Variants in TAPT1 observed in about 807,000 individuals in gnomAD.
TAPT1 encodes transmembrane anterior posterior transformation 1, also known as transmembrane anterior posterior transformation protein 1 homolog.
TAPT1 carries 28 observed loss-of-function variants against 65.6 expected under a neutral mutation model. That is an observed-to-expected ratio of 0.43 (90% CI 0.32 to 0.59). The LOEUF (loss-of-function observed/expected upper bound fraction) is 0.59. Ranked by LOEUF, TAPT1 falls within the 20% of genes least tolerant of loss-of-function variation. The pLI, the probability that TAPT1 is intolerant of heterozygous loss-of-function variation, is 0.09. For missense variants in TAPT1, 563 were observed against 679.9 expected, an observed-to-expected ratio of 0.83 and a Z score of 1.91; for synonymous variants, 278 against 245.2, an observed-to-expected ratio of 1.13 and a Z score of -1.25.
intron 2 of TAPT1, among the ~76,000 whole-genome samples, chr4:16,206,555 C>T (rs886794538): frequency 6.6e-6 from 1 of 151,496 alleles, no homozygotes; most frequent in Admixed American, 6.6e-5. Context: ...GTCTTAGCTG[C>T]GGCTCTAGGC....
At chr4:16,225,317 A>G (rs996577095) in intron 1 of TAPT1, among the ~76,000 whole-genome samples, 1 of 152,214 alleles carries the variant, frequency 6.6e-6, no homozygotes, top group African/African-American at 2.4e-5. Context: ...AATCAGCCTC[A>G]CAACTTAGTT....
At chr4:16,209,252 C>G (rs28653509) in intron 2 of TAPT1, among the ~76,000 whole-genome samples, 1 of 152,094 alleles carries the variant, frequency 6.6e-6, no homozygotes, top group Non-Finnish European at 1.5e-5. Flanking sequence ...AGGCACACTT[C>G]CCCTTCTCTA....
intron 3 of TAPT1, among the ~76,000 whole-genome samples, chr4:16,200,746 G>A (rs1749980365): frequency 6.6e-6 from 1 of 152,108 alleles, no homozygotes; most frequent in South Asian, 2.1e-4. Context: ...GATTGTATTT[G>A]GGTCTTCTGA....
intron 1 of TAPT1, among the ~76,000 whole-genome samples, chr4:16,224,088 A>T (rs1751413087): frequency 6.6e-6 from 1 of 152,306 alleles, no homozygotes; most frequent in East Asian, 1.9e-4. Context: ...ACAAGAATAT[A>T]AAAAAATCAA....
chr4:16,177,537 C>A (rs1334255298), intron 8 of TAPT1, among the ~76,000 whole-genome samples: 1 of 152,166 alleles, frequency 6.6e-6, no homozygotes, highest in Non-Finnish European at 1.5e-5. Context: ...ATCAAGGGAC[C>A]TCTTTCGCCG....
At chr4:16,212,624 G>GC (rs542006471) in intron 2 of TAPT1, among the ~76,000 whole-genome samples, 4 of 152,004 alleles carry the variant, frequency 2.6e-5, no homozygotes, top group African/African-American at 4.8e-5. Context: ...AGTCCCTCAG[G>GC]CCCCCCCAGG....
At chr4:16,176,043 C>A in intron 9 of TAPT1, 76 bp downstream of exon 9, 3 of 661,578 alleles carry the variant, frequency 4.5e-6, no homozygotes, top group Non-Finnish European at 4.9e-6. Context: ...TAACAAACTC[C>A]TATTATTCTA....
At chr4:16,178,345 A>G (rs1478734475) in intron 8 of TAPT1, among the ~76,000 whole-genome samples, 1 of 152,206 alleles carries the variant, frequency 6.6e-6, no homozygotes, top group Non-Finnish European at 1.5e-5. Flanking sequence ...CTCTCATTTT[A>G]TATGTTTTTG....
At chr4:16,171,580 A>G (rs1395936758) in intron 11 of TAPT1, among the ~76,000 whole-genome samples, 1 of 152,250 alleles carries the variant, frequency 6.6e-6, no homozygotes, top group Admixed American at 6.5e-5. Flanking sequence ...TTAAAAAGAC[A>G]TTTAAAAATG....
At chr4:16,221,835 C>G (rs901722834) in intron 1 of TAPT1, among the ~76,000 whole-genome samples, 1 of 152,178 alleles carries the variant, frequency 6.6e-6, no homozygotes, top group African/African-American at 2.4e-5. Context: ...TGAACAGAGA[C>G]ACACTCTTGT....
rs1457296856 is a variant in TAPT1, at chr4:16,162,984, T to C, written c.*324A>G. On this transcript the variant is annotated 3_prime_UTR_variant, in exon 14 of 14. Coordinates refer to ENST00000405303, the MANE Select transcript of TAPT1 (RefSeq NM_153365.3). ...AGGCCTTGAGGCAAATTCAACATTC[T>C]GGAAGCCCAGACTGACAAAGCAAAA... The C allele has an allele frequency of 4.2e-6, 2 of 480,722 alleles. No homozygotes were observed. The highest frequency in any genetic ancestry group is 8.2e-6 in the Non-Finnish European group (2 of 243,306). 29.8% of individuals were successfully genotyped at this position (480,722 alleles called of 1,614,324 possible).
At position 16,163,167 on chromosome 4, in the gene TAPT1, A is replaced by C. The variant is rs547903637; in HGVS notation, c.*141T>G. ...CTCAGCCAGGCCATATTACTGGAAGAAAGATACTAAGATTTGCTTGCCAAT... is the reference window on the plus strand; with the variant it reads ...CTCAGCCAGGCCATATTACTGGAAGCAAGATACTAAGATTTGCTTGCCAAT... On this transcript the variant is annotated 3_prime_UTR_variant, in exon 14 of 14. Coordinates refer to ENST00000405303, the MANE Select transcript of TAPT1 (RefSeq NM_153365.3). The C allele has an allele frequency of 6.5e-5, 46 of 705,426 alleles. No homozygotes were observed. The African/African-American group carries it at 6.6e-4, about 10-fold the overall frequency. The allele number at this position is 705,426 out of a possible 1,614,324, so 43.7% of individuals were successfully genotyped here.
chr4:16,213,844 T>G lies in TAPT1; in HGVS notation c.254A>C (p.Glu85Ala), dbSNP rs1750778025. 6.2e-7 allele frequency: 1 copy of G among 1,610,782 alleles called. No individual in the cohort carries two copies. The highest frequency in any genetic ancestry group is 8.5e-7 in the Non-Finnish European group (1 of 1,179,114). Residue 85 changes from glutamate to alanine, a missense_variant, in exon 2 of 14, where the codon GAA (glutamate) becomes GCA (alanine). Glu to Ala is a moderately radical substitution (Grantham distance 107). Coordinates refer to ENST00000405303, the MANE Select transcript of TAPT1 (RefSeq NM_153365.3). ...TTCTGTATACTTGGCCTCATTATGT[T>G]CAAGGAAGTACCCTCTTGTTAGTTC... The part of the protein sequence containing the change: ...SAELTRGYFL[E>A]HNEAKYTERR...
chr4:16,191,214 A>G lies in TAPT1; in HGVS notation c.612+147T>C, dbSNP rs548357061. 9.6e-4 allele frequency: 711 copies of G among 743,248 alleles called. 1 individual carries two copies. Among genetic ancestry groups the G allele is most frequent in the Non-Finnish European group, 1.3e-3 (642 of 486,402 alleles). 46.0% of individuals were successfully genotyped at this position (743,248 alleles called of 1,614,324 possible). ...TAAATCAGAATCCATGTTTAAGAAG[A>G]GCCCCCAAGTGATGACAGCACAGTA... On this transcript the variant is annotated intron_variant, in intron 4 of 13. Transcript: ENST00000405303.
intron 1 of TAPT1, among the ~76,000 whole-genome samples, chr4:16,220,132 T>C (rs1560192584): frequency 6.6e-6 from 1 of 152,238 alleles, no homozygotes; most frequent in African/African-American, 2.4e-5. Flanking sequence ...TTGTTAAACA[T>C]TGCTCTCTAG....
chr4:16,174,771 A>AT (rs1748223260), intron 9 of TAPT1, 42 bp from the exon 10 acceptor site: 1 of 1,380,350 alleles, frequency 7.2e-7, no homozygotes, highest in Non-Finnish European at 9.8e-7. Context: ...ATACAGTAAA[A>AT]ATATATAATG....
Position 16,163,291 on chromosome 4 carries a change from C to G in TAPT1, c.*17G>C, listed in dbSNP as rs556531172. On this transcript the variant is annotated 3_prime_UTR_variant, in exon 14 of 14. Transcript: ENST00000405303. Reference sequence around the variant, plus strand: ...TTGCCCCAGGACCCAGCTTCTTCAGCGCATGAAGCCACAGATTCAGTCAAT... The same window carrying G: ...TTGCCCCAGGACCCAGCTTCTTCAGGGCATGAAGCCACAGATTCAGTCAAT... 6.3e-7 allele frequency: 1 copy of G among 1,598,600 alleles called. No individual in the cohort carries two copies. Among genetic ancestry groups the G allele is most frequent in the South Asian group, 1.1e-5 (1 of 90,784 alleles).
chr4:16,161,391 T>C lies in TAPT1; in HGVS notation c.*1917A>G, dbSNP rs1164300536. On this transcript the variant is annotated 3_prime_UTR_variant, in exon 14 of 14. Coordinates refer to ENST00000405303, the MANE Select transcript of TAPT1 (RefSeq NM_153365.3). ...ATTAAAACAGAAGAAATGAACATAA[T>C]CCCGAACTCCCAACAGCATCTGCAA... is the stretch of plus-strand genomic sequence containing the variant. 1.3e-5 allele frequency: 2 copies of C among 152,580 alleles called. No individual in the cohort carries two copies. Among genetic ancestry groups the C allele is most frequent in the East Asian group, 1.9e-4 (1 of 5,194 alleles). 9.5% of individuals were successfully genotyped at this position (152,580 alleles called of 1,614,324 possible).
At position 16,176,040 on chromosome 4, in the gene TAPT1, C is replaced by T. The variant is rs115513888; in HGVS notation, c.1107+79G>A. 2.0e-3 allele frequency: 1,310 copies of T among 639,326 alleles called. 18 individuals carry two copies. In the African/African-American group the frequency reaches 0.023, roughly 11 times the overall value. 39.6% of individuals were successfully genotyped at this position (639,326 alleles called of 1,614,324 possible). The stretch of plus-strand genomic sequence containing the variant: ...ATTCTGACCTTAAAGTATTAACAAA[C>T]TCCTATTATTCTACAACTTTTAAAA... On this transcript the variant is annotated intron_variant, in intron 9 of 13. Coordinates refer to ENST00000405303, the MANE Select transcript of TAPT1 (RefSeq NM_153365.3).
Sources: gnomAD v4.1 joint callset for allele counts (sites outside exome capture counted in the v4.1 genomes callset) on GRCh38, gnomAD v4.1.1 for gene constraint, MANE v1.5 for transcripts, NCBI Gene and HGNC (gene_info 2026-07-23, HGNC 2026-07-21) for gene names.